LAMA1: variants seen among roughly 807,000 people sequenced by gnomAD.
The protein encoded by LAMA1 is laminin subunit alpha 1.
In LAMA1, 219 loss-of-function variants were observed where a neutral mutation model predicts 348.7. That is an observed-to-expected ratio of 0.63 (90% confidence interval 0.56 to 0.70). LAMA1 has a LOEUF of 0.70. LAMA1 is among the 30% of genes least tolerant of loss of function. The probability of loss-of-function intolerance (pLI) is 0.00; values close to 1 mark genes in which losing one functional copy is unlikely to be tolerated. For synonymous variants in LAMA1, 1,487 were observed against 1,491.0 expected, an observed-to-expected ratio of 1.00 and a Z score of 0.06; for missense variants, 3,744 against 3,888.0, an observed-to-expected ratio of 0.96 and a Z score of 0.99.
chr18:6,950,658 C>G, intron 58 of LAMA1, 124 bp downstream of exon 58: 2 of 1,106,856 alleles, frequency 1.8e-6, no homozygotes, highest in Non-Finnish European at 2.7e-6. Flanking sequence ...CTGGGGGAGA[C>G]ACCAGACACA....
At chr18:6,976,581 T>C (rs1409874214) in intron 44 of LAMA1, among the ~76,000 whole-genome samples, 2 of 150,296 alleles carry the variant, frequency 1.3e-5, no homozygotes, top group Admixed American at 1.3e-4. Flanking sequence ...AAGCATTCCT[T>C]GGGCTTATAT....
chr18:6,971,777 A>C, intron 48 of LAMA1, 80 bp downstream of exon 48: 1 of 1,583,604 alleles, frequency 6.3e-7, no homozygotes. Flanking sequence ...CTTGACGTGC[A>C]TGTATTAATA....
chr18:6,985,103 G>A, intron 39 of LAMA1, 134 bp downstream of exon 39: 2 of 1,049,432 alleles, frequency 1.9e-6, no homozygotes, highest in Non-Finnish European at 2.9e-6. Context: ...AATCCAACTT[G>A]CCAGGTAAAT....
intron 3 of LAMA1, among the ~76,000 whole-genome samples, chr18:7,053,787 T>C (rs1300523165): frequency 6.6e-6 from 1 of 151,844 alleles, no homozygotes; most frequent in Non-Finnish European, 1.5e-5. Context: ...AGGATTTTTT[T>C]TTTTTTTTTT....
intron 57 of LAMA1, 38 bp downstream of exon 57, chr18:6,955,315 A>G: frequency 6.7e-7 from 1 of 1,490,058 alleles, no homozygotes; most frequent in Non-Finnish European, 9.3e-7. Context: ...TACATCTAGC[A>G]ATGAGACGCC....
rs746233938 is a variant in LAMA1, at chr18:7,023,195, A to G, written c.2670T>C (p.Tyr890=). 2.5e-6 allele frequency: 4 copies of G among 1,613,182 alleles called. No individual in the cohort carries two copies. Among genetic ancestry groups the G allele is most frequent in the Non-Finnish European group, 3.4e-6 (4 of 1,179,922 alleles). Residue 890 remains tyrosine (Y), a synonymous_variant, in exon 19 of 63, where the codon TAT becomes TAC. Transcript: ENST00000389658. ...AGTTCTTGGCTGTCACAGCGTCCCC[A>G]TAGAACCCGTCAGCACACCTTTCAC... is the stretch of plus-strand genomic sequence containing the variant. The part of the protein sequence containing the change: ...AHCERCADGF[Y]GDAVTAKNCR...
chr18:7,015,590 T>TG (rs2057883451), intron 22 of LAMA1, 132 bp downstream of exon 22: 1 of 1,053,076 alleles, frequency 9.5e-7, no homozygotes, highest in Non-Finnish European at 1.4e-6. Flanking sequence ...CACATTGAGT[T>TG]TTTTTTTTTT....
At chr18:6,979,678 T>C (rs540714648) in intron 42 of LAMA1, among the ~76,000 whole-genome samples, 10 of 152,264 alleles carry the variant, frequency 6.6e-5, no homozygotes, top group African/African-American at 2.2e-4. Context: ...GGCGGGCGGA[T>C]CACGAGGTCA....
intron 3 of LAMA1, among the ~76,000 whole-genome samples, chr18:7,051,281 A>G (rs542087450): frequency 5.3e-5 from 8 of 152,358 alleles, no homozygotes; most frequent in Admixed American, 2.6e-4. Context: ...TATATTAATT[A>G]TCTGGATTGT....
intron 42 of LAMA1, among the ~76,000 whole-genome samples, chr18:6,979,878 G>C (rs563118362): frequency 1.3e-5 from 2 of 152,186 alleles, no homozygotes; most frequent in Non-Finnish European, 2.9e-5. Flanking sequence ...CAGCCTGGGC[G>C]ACAGAGCGAG....
chr18:7,034,456 T>C (rs1196308331), intron 14 of LAMA1, 23 bp downstream of exon 14: 30 of 1,580,858 alleles, frequency 1.9e-5, no homozygotes, highest in African/African-American at 1.7e-4. Flanking sequence ...ACCGTAAGTT[T>C]TTCCTCCATT....
chr18:6,959,398 G>A lies in LAMA1; in HGVS notation c.7721C>T (p.Pro2574Leu). 9 of 1,614,150 alleles carry A rather than the reference G, an allele frequency of 5.6e-6. No homozygotes were observed. Among genetic ancestry groups the A allele is most frequent in the South Asian group, 2.2e-5 (2 of 91,076 alleles). ...TTGTCCATCACTGCAGGTACCCGTG[G>A]GAGCGTGCAGGAGAGCTTTTCTCAG... The part of the protein sequence containing the change: ...TGLRKALLHA[P>L]TGTCSDGQAH... Residue 2574 changes from proline (P) to leucine (L), a missense_variant, in exon 54 of 63, where the codon CCC becomes CTC. This residue lies in a region of LAMA1 where 1,983 missense variants were observed against 1,934.3 expected (regional missense o/e 1.03). Coordinates refer to ENST00000389658, the MANE Select transcript of LAMA1 (RefSeq NM_005559.4).
chr18:6,971,421 A>G (rs572587215), intron 48 of LAMA1, among the ~76,000 whole-genome samples: 1 of 152,226 alleles, frequency 6.6e-6, no homozygotes, highest in African/African-American at 2.4e-5. Flanking sequence ...TATTTTCAAA[A>G]TAAAAATGTA....
chr18:7,004,416 G>A (rs1183084260), intron 29 of LAMA1, among the ~76,000 whole-genome samples: 4 of 152,000 alleles, frequency 2.6e-5, no homozygotes, highest in Admixed American at 6.5e-5. Flanking sequence ...GTAATGGGGC[G>A]ATCTCAGCTC....
At chr18:7,093,792 T>C (rs1036251978) in intron 1 of LAMA1, among the ~76,000 whole-genome samples, 7 of 150,966 alleles carry the variant, frequency 4.6e-5, no homozygotes, top group Admixed American at 1.3e-4. Context: ...TTTTTTTTTT[T>C]TTCAGACAAT....
rs58802341 is a variant in LAMA1 at position 7,108,640 on chromosome 18, C to CAA, written c.61+9018_61+9019dup. On this transcript the variant is annotated intron_variant, in intron 1 of 62. Transcript: ENST00000389658. ...CACTGCACTGAGACAGACTCTGTCTCAAAAAAAAAAAAAAAAAAAAAAAAA... is the reference window on the plus strand; with the variant it reads ...CACTGCACTGAGACAGACTCTGTCTCAAAAAAAAAAAAAAAAAAAAAAAAAAA... Among the ~76,000 whole-genome samples the CAA allele has an allele frequency of 2.2e-3, 88 of 40,230 alleles. 19 individuals are homozygous for CAA. The highest frequency in any genetic ancestry group is 7.5e-3 in the African/African-American group (76 of 10,122). 26.4% of individuals were successfully genotyped at this position (40,230 alleles called of 152,430 possible).
intron 3 of LAMA1, among the ~76,000 whole-genome samples, chr18:7,056,439 A>AT (rs2143737715): frequency 6.6e-6 from 1 of 152,324 alleles, no homozygotes; most frequent in South Asian, 2.1e-4. Context: ...CTTTATACAT[A>AT]TATCATCACA....
intron 39 of LAMA1, among the ~76,000 whole-genome samples, chr18:6,984,561 C>CAA (rs34623264): frequency 6.6e-6 from 1 of 152,184 alleles, no homozygotes; most frequent in African/African-American, 2.4e-5. Flanking sequence ...AGCTAAAGGA[C>CAA]AAAGGCATCG....
chr18:7,098,691 G>A lies in LAMA1; in HGVS notation c.62-18234C>T, dbSNP rs572290279. Among the ~76,000 whole-genome samples the A allele has an allele frequency of 9.4e-3, 1,410 of 149,364 alleles. 19 individuals carry two copies. The highest frequency in any genetic ancestry group is 0.028 in the African/African-American group (1,118 of 40,536). On this transcript the variant is annotated intron_variant, in intron 1 of 62. Transcript: ENST00000389658. ...TGGGAAGTGAGGAGCGTCTCCGCCC[G>A]GCAGCCACCCCATCCGGGAGGGAGG...
Sources: allele counts gnomAD v4.1 joint callset (sites outside exome capture counted in the v4.1 genomes callset), GRCh38; gene constraint gnomAD v4.1.1; regional missense constraint gnomAD v4.1.1; transcripts MANE v1.5; gene names NCBI Gene and HGNC (gene_info 2026-07-23, HGNC 2026-07-21).